TRAPPC9: variants seen among roughly 807,000 people sequenced by gnomAD.
TRAPPC9 encodes trafficking protein particle complex subunit 9, also known as IKK2 binding protein.
In TRAPPC9, 83 loss-of-function variants were observed where a neutral mutation model predicts 124.0. The ratio of observed to expected loss-of-function variants is 0.67; its 90% CI spans 0.56 to 0.80. TRAPPC9 has a LOEUF of 0.80. TRAPPC9 is among the 30% of genes least tolerant of loss of function. TRAPPC9 has a pLI of 0.00. For synonymous variants in TRAPPC9, 638 were observed against 617.5 expected, an observed-to-expected ratio of 1.03 and a Z score of -0.49; for missense variants, 1,302 against 1,508.3, an observed-to-expected ratio of 0.86 and a Z score of 2.27.
At chr8:139,902,580 T>G (rs939141348) in intron 20 of TRAPPC9, among the ~76,000 whole-genome samples, 2 of 152,256 alleles carry the variant, frequency 1.3e-5, no homozygotes, top group Non-Finnish European at 2.9e-5. Context: ...CCGTTTATAG[T>G]AAAATTCATT....
chr8:140,056,958 C>T (rs909686599), intron 17 of TRAPPC9, among the ~76,000 whole-genome samples: 2 of 152,140 alleles, frequency 1.3e-5, no homozygotes, highest in Non-Finnish European at 2.9e-5. Context: ...ACTCCTACAA[C>T]TAACTACTGT....
chr8:139,817,464 G>A (rs138851665), intron 21 of TRAPPC9, among the ~76,000 whole-genome samples: 5 of 152,308 alleles, frequency 3.3e-5, no homozygotes, highest in East Asian at 1.9e-4. Context: ...ATGAGTCTGC[G>A]ATTCAGTGCT....
intron 21 of TRAPPC9, among the ~76,000 whole-genome samples, chr8:139,782,023 A>G (rs1821857790): frequency 6.6e-6 from 1 of 152,214 alleles, no homozygotes; most frequent in Non-Finnish European, 1.5e-5. Context: ...AGGATAAAGA[A>G]AAGCAAGCAC....
At chr8:140,199,399 T>C (rs2062737927) in intron 17 of TRAPPC9, among the ~76,000 whole-genome samples, 1 of 152,102 alleles carries the variant, frequency 6.6e-6, no homozygotes, top group African/African-American at 2.4e-5. Flanking sequence ...GTGAAATGCA[T>C]ATTAACCAAC....
rs538370317 is a variant in TRAPPC9 at position 140,222,524 on chromosome 8, A to T, written c.2432-941T>A. On this transcript the variant is annotated intron_variant, in intron 16 of 22. Coordinates refer to ENST00000438773, the MANE Select transcript of TRAPPC9 (RefSeq NM_001160372.4). ...TGCCTTCACTCCTTTCCCTAAGTCA[A>T]CTCCCCACACAGCTCGCAGAGTCTC... is the stretch of plus-strand genomic sequence containing the variant. 1.1e-4 allele frequency among the ~76,000 whole-genome samples: 16 copies of T among 151,012 alleles called. No individual in the cohort carries two copies. The South Asian group carries it at 3.4e-3, about 32-fold the overall frequency.
intron 16 of TRAPPC9, among the ~76,000 whole-genome samples, chr8:140,246,108 G>A (rs1030965864): frequency 3.9e-5 from 6 of 152,146 alleles, no homozygotes; most frequent in Admixed American, 6.5e-5. Flanking sequence ...TTCCAAGGGC[G>A]AACAATTCTC....
intron 17 of TRAPPC9, among the ~76,000 whole-genome samples, chr8:140,181,299 C>T (rs1304441066): frequency 1.3e-5 from 2 of 152,170 alleles, no homozygotes; most frequent in Non-Finnish European, 2.9e-5. Flanking sequence ...CTTGCTCTGT[C>T]ACCCAGGATG....
chr8:140,183,798 T>C (rs2062262672), intron 17 of TRAPPC9, among the ~76,000 whole-genome samples: 1 of 148,690 alleles, frequency 6.7e-6, no homozygotes, highest in South Asian at 2.1e-4. Context: ...GAGTTTGCAG[T>C]GAGCCAAGAT....
intron 7 of TRAPPC9, among the ~76,000 whole-genome samples, chr8:140,374,566 A>T (rs1303410745): frequency 6.6e-6 from 1 of 151,880 alleles, no homozygotes; most frequent in Non-Finnish European, 1.5e-5. Flanking sequence ...GTGAAACTCC[A>T]TGTCAAAAAA....
Position 140,024,011 on chromosome 8 carries a change from A to T in TRAPPC9, c.2625T>A (p.Asn875Lys), listed in dbSNP as rs772888502. The T allele has an allele frequency of 1.2e-5, 19 of 1,614,006 alleles. No individual in the cohort carries two copies. The highest frequency in any genetic ancestry group is 2.2e-5 in the South Asian group (2 of 91,082). The change falls in exon 18 of 23, where the codon AAT (asparagine) becomes AAA (lysine). Residue 875 changes from asparagine to lysine, a missense_variant. Physicochemically the swap from Asn to Lys is moderately conservative, Grantham distance 94. Coordinates refer to ENST00000438773, the MANE Select transcript of TRAPPC9 (RefSeq NM_001160372.4). ...GPGHTEGYYR[N>K]LSLGLHVEVE... is the part of the protein sequence containing the mutation. The stretch of plus-strand genomic sequence containing the variant: ...CTTCTACATGCAGCCCCAGGGAGAG[A>T]TTCCTGTAATATCCTTCAGTGTGGC...
Position 139,729,508 on chromosome 8 carries a change from T to C in TRAPPC9, c.*1553A>G, listed in dbSNP as rs199232. 0.27 allele frequency among the ~76,000 whole-genome samples: 40,899 copies of C among 152,130 alleles called. 6,471 individuals carry two copies. Among genetic ancestry groups the C allele is most frequent in the African/African-American group, 0.44 (18,402 of 41,468 alleles). ...CCTTCCCTGGGGAGCCTCGAGCAGA[T>C]GCTGAATGAGCTCCAGGAACTGAGG... On this transcript the variant is annotated 3_prime_UTR_variant, in exon 23 of 23. Coordinates refer to ENST00000438773, the MANE Select transcript of TRAPPC9 (RefSeq NM_001160372.4).
At chr8:139,732,774 A>G (rs1586722457) in intron 21 of TRAPPC9, among the ~76,000 whole-genome samples, 1 of 152,204 alleles carries the variant, frequency 6.6e-6, no homozygotes, top group Non-Finnish European at 1.5e-5. Flanking sequence ...CAGCCTGTCC[A>G]GGGTGCCTGA....
At chr8:139,862,220 C>A (rs943890917) in intron 21 of TRAPPC9, among the ~76,000 whole-genome samples, 3 of 152,256 alleles carry the variant, frequency 2.0e-5, no homozygotes, top group South Asian at 2.1e-4. Context: ...CTCTTCCTGG[C>A]CTGTGTTGCT....
intron 17 of TRAPPC9, among the ~76,000 whole-genome samples, chr8:140,143,437 A>G (rs1207691223): frequency 6.6e-6 from 1 of 152,186 alleles, no homozygotes; most frequent in East Asian, 1.9e-4. Flanking sequence ...GAAATTCTCT[A>G]ACTTTTCTTC....
intron 17 of TRAPPC9, among the ~76,000 whole-genome samples, chr8:140,107,677 G>A (rs926708238): frequency 4.6e-5 from 7 of 152,202 alleles, no homozygotes; most frequent in Non-Finnish European, 8.8e-5. Context: ...CATGGCCAAG[G>A]CTTACAGGCG....
intron 21 of TRAPPC9, among the ~76,000 whole-genome samples, chr8:139,827,519 G>A (rs1216022547): frequency 6.6e-6 from 1 of 152,230 alleles, no homozygotes; most frequent in Non-Finnish European, 1.5e-5. Flanking sequence ...AGACCGCGTT[G>A]GCTTCCCCGG....
At chr8:139,924,928 C>T (rs1466946112) in intron 19 of TRAPPC9, among the ~76,000 whole-genome samples, 1 of 152,208 alleles carries the variant, frequency 6.6e-6, no homozygotes, top group Non-Finnish European at 1.5e-5. Flanking sequence ...CTTTCATGAG[C>T]AGGGGGGTCA....
chr8:140,017,699 T>C (rs190977757), intron 18 of TRAPPC9, among the ~76,000 whole-genome samples: 2 of 152,350 alleles, frequency 1.3e-5, no homozygotes, highest in African/African-American at 4.8e-5. Context: ...ATTTGTCTAT[T>C]CTAGGTCTGT....
intron 21 of TRAPPC9, among the ~76,000 whole-genome samples, chr8:139,792,780 C>T (rs1822787892): frequency 1.3e-5 from 2 of 152,234 alleles, no homozygotes; most frequent in African/African-American, 4.8e-5. Context: ...CAGCCTGCAC[C>T]CCACCTGGAG....
Sources: allele counts gnomAD v4.1 joint callset (sites outside exome capture counted in the v4.1 genomes callset), GRCh38; gene constraint gnomAD v4.1.1; transcripts MANE v1.5; gene names NCBI Gene and HGNC (gene_info 2026-07-23, HGNC 2026-07-21).